CFAP54: variants seen among roughly 807,000 people sequenced by gnomAD.
CFAP54 encodes the protein cilia- and flagella-associated protein 54.
In CFAP54, 290 loss-of-function variants were observed where a neutral mutation model predicts 370.4. The ratio of observed to expected loss-of-function variants is 0.78; its 90% CI spans 0.71 to 0.86. CFAP54 has a LOEUF of 0.86. CFAP54 is among the 40% of genes least tolerant of loss of function. The pLI, the probability that CFAP54 is intolerant of heterozygous loss-of-function variation, is 0.00. For missense variants in CFAP54, 3,399 were observed against 3,528.7 expected, an observed-to-expected ratio of 0.96 and a Z score of 0.93; for synonymous variants, 1,206 against 1,236.5, an observed-to-expected ratio of 0.98 and a Z score of 0.52.
At chr12:96,811,386 C>T (rs1052159758) in intron 63 of CFAP54, among the ~76,000 whole-genome samples, 6 of 152,140 alleles carry the variant, frequency 3.9e-5, no homozygotes, top group African/African-American at 1.4e-4. Flanking sequence ...GGGAACGGTA[C>T]ACATTGAGAA....
chr12:96,755,145 A>C (rs374134592), intron 56 of CFAP54, among the ~76,000 whole-genome samples: 2 of 152,086 alleles, frequency 1.3e-5, no homozygotes, highest in Non-Finnish European at 2.9e-5. Flanking sequence ...CCATTTGCTG[A>C]CTTTTTAGGA....
At chr12:96,669,502 G>A (rs764493797) in intron 39 of CFAP54, among the ~76,000 whole-genome samples, 3 of 152,206 alleles carry the variant, frequency 2.0e-5, no homozygotes, top group African/African-American at 4.8e-5. Flanking sequence ...TGGGTGGTCA[G>A]CATAGAGGAG....
chr12:96,608,780 A>G (rs1956326839), intron 26 of CFAP54, among the ~76,000 whole-genome samples: 1 of 152,144 alleles, frequency 6.6e-6, no homozygotes, highest in Admixed American at 6.6e-5. Flanking sequence ...GGACTTCTAA[A>G]CTGACAGGGA....
chr12:96,820,738 A>G (rs1185160472), intron 65 of CFAP54, among the ~76,000 whole-genome samples: 1 of 152,216 alleles, frequency 6.6e-6, no homozygotes, highest in Non-Finnish European at 1.5e-5. Flanking sequence ...ATAACTATAG[A>G]TATAGGTTTA....
chr12:96,723,879 C>A (rs900929198), intron 50 of CFAP54, among the ~76,000 whole-genome samples: 1 of 134,990 alleles, frequency 7.4e-6, no homozygotes, highest in African/African-American at 2.8e-5. Context: ...CTTCCTGTGT[C>A]CATGTGTTCT....
At chr12:96,691,854 A>G (rs1343573571) in intron 44 of CFAP54, among the ~76,000 whole-genome samples, 1 of 152,166 alleles carries the variant, frequency 6.6e-6, no homozygotes, top group African/African-American at 2.4e-5. Context: ...ATCACAGTGT[A>G]TGTCATAAAT....
At chr12:96,621,012 A>G (rs1956481118) in intron 26 of CFAP54, among the ~76,000 whole-genome samples, 1 of 152,246 alleles carries the variant, frequency 6.6e-6, no homozygotes, top group African/African-American at 2.4e-5. Flanking sequence ...AACTGGTATT[A>G]GGGGATGTGA....
chr12:96,824,521 C>G (rs1399436562), intron 65 of CFAP54, among the ~76,000 whole-genome samples: 2 of 152,140 alleles, frequency 1.3e-5, no homozygotes, highest in Non-Finnish European at 2.9e-5. Flanking sequence ...CATACCTTAC[C>G]TAAGCACTCA....
intron 63 of CFAP54, 41 bp downstream of exon 63, chr12:96,792,540 A>T: frequency 1.4e-6 from 2 of 1,442,346 alleles, no homozygotes; most frequent in Non-Finnish European, 1.9e-6. Flanking sequence ...TCATTTATAT[A>T]TAAAGCTTAA....
At chr12:96,826,039 T>TTA (rs1959098212) in intron 65 of CFAP54, among the ~76,000 whole-genome samples, 1 of 144,504 alleles carries the variant, frequency 6.9e-6, no homozygotes, top group Non-Finnish European at 1.5e-5. Flanking sequence ...TATTAATATA[T>TTA]TATATATATT....
intron 47 of CFAP54, among the ~76,000 whole-genome samples, chr12:96,707,591 G>T (rs1957560179): frequency 6.6e-6 from 1 of 152,182 alleles, no homozygotes; most frequent in Non-Finnish European, 1.5e-5. Context: ...TTATTAAAAT[G>T]GAGGAGATGA....
intron 48 of CFAP54, among the ~76,000 whole-genome samples, chr12:96,712,339 A>G (rs897592381): frequency 6.6e-6 from 1 of 152,166 alleles, no homozygotes; most frequent in South Asian, 2.1e-4. Context: ...GAAATTCATT[A>G]TATAATAAAT....
chr12:96,781,756 G>A (rs551529891), intron 60 of CFAP54, among the ~76,000 whole-genome samples: 33 of 152,184 alleles, frequency 2.2e-4, no homozygotes, highest in African/African-American at 6.3e-4. Context: ...ACATTTTGAA[G>A]TGAAGAAGAG....
At chr12:96,701,070 G>A (rs1222823315) in intron 46 of CFAP54, among the ~76,000 whole-genome samples, 1 of 152,064 alleles carries the variant, frequency 6.6e-6, no homozygotes, top group African/African-American at 2.4e-5. Context: ...TTGTAATAGG[G>A]GATGAGGCTA....
chr12:96,822,378 T>G (rs1959043575), intron 65 of CFAP54, among the ~76,000 whole-genome samples: 1 of 152,208 alleles, frequency 6.6e-6, no homozygotes, highest in Non-Finnish European at 1.5e-5. Context: ...AATGCCTGAT[T>G]GTAAGACTAT....
intron 35 of CFAP54, among the ~76,000 whole-genome samples, 175 bp downstream of exon 35, chr12:96,650,247 C>G (rs902335871): frequency 8.5e-5 from 13 of 152,142 alleles, no homozygotes; most frequent in African/African-American, 3.1e-4. Flanking sequence ...TGCAGTGATA[C>G]TGAGGGCATG....
At position 96,757,523 on chromosome 12, in the gene CFAP54, G is replaced by A; in HGVS notation, c.7975G>A (p.Ala2659Thr). 1 of 1,596,620 alleles carries A rather than the reference G, an allele frequency of 6.3e-7. No individual in the cohort carries two copies. The highest frequency in any genetic ancestry group is 2.2e-5 in the East Asian group (1 of 44,754). The change falls in exon 58 of 68, where the codon GCT (alanine) becomes ACT (threonine). Residue 2659 changes from alanine to threonine, a missense_variant. This residue lies in a region of CFAP54 where 2,796 missense variants were observed against 2,869.7 expected (regional missense o/e 0.97). Transcript: ENST00000524981. ...GATAAGAGACTCCTACCTAGAAATG[G>A]CTCTATTGTATTTTCATCTGAAGAA... ...GLIRDSYLEM[A>T]LLYFHLKKPK... is the part of the protein sequence containing the mutation.
chr12:96,813,352 GTGTTCTTA>G (rs1242109039), intron 64 of CFAP54, among the ~76,000 whole-genome samples: 3 of 152,088 alleles, frequency 2.0e-5, no homozygotes, highest in African/African-American at 7.2e-5. Context: ...GGCATTCCTT[GTGTTCTTA>G]TGAGGCTCAA....
Position 96,509,815 on chromosome 12 carries a change from C to CAAA in CFAP54, c.739+2727_739+2729dup, listed in dbSNP as rs61180247. The stretch of plus-strand genomic sequence containing the variant: ...TGGGTGACAGAGCAAGTCTCCATCT[C>CAAA]AAAAAAAAAAAAATCTAATTGGGTA... On this transcript the variant is annotated intron_variant, in intron 4 of 67. Transcript: ENST00000524981. 1.8e-4 allele frequency among the ~76,000 whole-genome samples: 26 copies of CAAA among 145,088 alleles called. No individual in the cohort carries two copies. The South Asian group carries it at 2.6e-3, about 15-fold the overall frequency.
Sources: allele counts gnomAD v4.1 joint callset (sites outside exome capture counted in the v4.1 genomes callset), GRCh38; gene constraint gnomAD v4.1.1; regional missense constraint gnomAD v4.1.1; transcripts MANE v1.5; gene names NCBI Gene and HGNC (gene_info 2026-07-23, HGNC 2026-07-21).